The following LPA variants were observed in gnomAD, a reference collection of about 807,000 sequenced individuals.
LPA encodes the protein apolipoprotein(a).
LPA carries 199 observed loss-of-function variants against 197.9 expected under a neutral mutation model. The ratio of observed to expected loss-of-function variants is 1.01; its 90% confidence interval spans 0.90 to 1.13. LPA has a LOEUF of 1.13. Among genes scored for constraint, LPA ranks in the 50% most tolerant of loss-of-function variants. The pLI is 0.00. For missense variants in LPA, 1,853 were observed against 1,785.8 expected (o/e 1.04, Z -0.68); for synonymous variants, 715 against 639.5 (o/e 1.12, Z -1.78).
At position 160,597,464 on chromosome 6, in the gene LPA, G is replaced by T. The variant is rs181331841; in HGVS notation, c.3288-1929C>A. ...CTCTAGGATTCACACCTGTGTGGGT[G>T]TGGGTGTGTGCACGTGTGCCATTGT... On this transcript the variant is annotated intron_variant, in intron 20 of 38. Transcript: ENST00000316300. Among the ~76,000 whole-genome samples the T allele has an allele frequency of 1.0e-3, 156 of 152,244 alleles. 1 individual carries two copies. The highest frequency in any genetic ancestry group is 3.5e-3 in the African/African-American group (146 of 41,538).
intron 34 of LPA, among the ~76,000 whole-genome samples, chr6:160,541,711 A>G (rs1777984239): frequency 6.6e-6 from 1 of 152,194 alleles, no homozygotes; most frequent in Non-Finnish European, 1.5e-5. Flanking sequence ...GATCAGAATA[A>G]TGGTGTGAGC....
intron 32 of LPA, among the ~76,000 whole-genome samples, chr6:160,546,519 A>G (rs1002975612): frequency 1.3e-5 from 2 of 152,206 alleles, no homozygotes; most frequent in African/African-American, 2.4e-5. Flanking sequence ...CCACTCTAGC[A>G]AAGTAATCAA....
intron 26 of LPA, among the ~76,000 whole-genome samples, chr6:160,582,274 T>TAATGAAGA (rs1189995810): frequency 2.0e-5 from 3 of 151,990 alleles, no homozygotes; most frequent in African/African-American, 7.2e-5. Context: ...TTCTTCTTAC[T>TAATGAAGA]ACTCTAAAGG....
chr6:160,587,769 G>T (rs1295895186), intron 24 of LPA, among the ~76,000 whole-genome samples: 1 of 118,192 alleles, frequency 8.5e-6, no homozygotes, highest in South Asian at 2.7e-4. Context: ...GTGTGTGTGT[G>T]TGTGTGTGTG....
intron 1 of LPA, among the ~76,000 whole-genome samples, chr6:160,654,850 T>C: frequency 6.6e-6 from 1 of 152,206 alleles, no homozygotes; most frequent in Non-Finnish European, 1.5e-5. Context: ...CTGTCCACTT[T>C]CGGGTGGTGC....
intron 1 of LPA, among the ~76,000 whole-genome samples, chr6:160,659,576 G>T (rs562058192): frequency 6.6e-6 from 1 of 152,326 alleles, no homozygotes; most frequent in African/African-American, 2.4e-5. Flanking sequence ...TGTCAGGGAA[G>T]TGGCCAGGTC....
Position 160,585,146 on chromosome 6 carries a change from G to A in LPA, c.4189C>T (p.Arg1397Ter), listed in dbSNP as rs200154828. ...DCYRGDGQSY[R>*]GTLSTTITGR... ...GTGATAGTGGTGGAGAGTGTGCCTC[G>A]ATAACTCTGTCCATCACCTCGGTAG... The change falls in exon 26 of 39, where the codon CGA becomes TGA. Residue 1397 changes from arginine to a stop codon, truncating the protein, a stop_gained. Transcript: ENST00000316300. LOFTEE classifies it high-confidence loss of function. 45 of 1,613,568 alleles carry A rather than the reference G, an allele frequency of 2.8e-5. 1 individual carries two copies. The highest frequency in any genetic ancestry group is 1.1e-4 in the South Asian group (10 of 91,070).
rs764378147 is a variant in LPA at position 160,531,798 on chromosome 6, A to G, written c.6054T>C (p.Asn2018=). Residue 2018 remains asparagine, a synonymous_variant, in exon 39 of 39, where the codon AAT becomes AAC. Coordinates refer to ENST00000316300, the MANE Select transcript of LPA (RefSeq NM_005577.4). ...TSWGLGCARP[N]KPGVYARVSR... The stretch of plus-strand genomic sequence containing the variant: ...AAACACGAGCATAGACACCAGGCTT[A>G]TTGGGGCGTGCACAGCCAAGACCCC... The G allele has an allele frequency of 6.2e-7, 1 of 1,614,142 alleles. No individual in the cohort carries two copies. The highest frequency in any genetic ancestry group is 1.1e-5 in the South Asian group (1 of 91,088).
chr6:160,634,906 G>T (rs1473693477), intron 7 of LPA, among the ~76,000 whole-genome samples: 1 of 150,114 alleles, frequency 6.7e-6, no homozygotes, highest in South Asian at 2.1e-4. Context: ...ACCCTGGAAG[G>T]TTTGTGCCCA....
chr6:160,555,317 GTGTGTA>G (rs1243507039), intron 30 of LPA, among the ~76,000 whole-genome samples: 1 of 138,312 alleles, frequency 7.2e-6, no homozygotes, highest in Non-Finnish European at 1.5e-5. Context: ...GTGTGTGTGT[GTGTGTA>G]TGTGTGTGTG....
At chr6:160,606,301 C>G (rs1192116240) in intron 17 of LPA, among the ~76,000 whole-genome samples, 176 bp downstream of exon 17, 1 of 152,176 alleles carries the variant, frequency 6.6e-6, no homozygotes, top group Non-Finnish European at 1.5e-5. Context: ...AACGTTGTAC[C>G]AGAAATCAAT....
chr6:160,553,129 T>C (rs983257586), intron 30 of LPA, among the ~76,000 whole-genome samples: 1 of 152,312 alleles, frequency 6.6e-6, no homozygotes, highest in East Asian at 1.9e-4. Context: ...GTGCTACTGT[T>C]TTTATGAATT....
rs766239484 is a variant in LPA at position 160,611,620 on chromosome 6, C to A, written c.2545G>T (p.Ala849Ser). The A allele has an allele frequency of 2.8e-5, 44 of 1,597,694 alleles. 1 individual carries two copies. The highest frequency in any genetic ancestry group is 5.0e-5 in the Admixed American group (3 of 59,718). ...STTVTGRTCQAWSSMTPHSHS... is the reference protein window; with the variant it reads ...STTVTGRTCQSWSSMTPHSHS... ...GAGTGTGGTGTCATAGATGACCAAGCTTGGCAGGTTCTTCCAGTGACAGTG... is the reference window on the plus strand; with the variant it reads ...GAGTGTGGTGTCATAGATGACCAAGATTGGCAGGTTCTTCCAGTGACAGTG... The change falls in exon 16 of 39, where the codon GCT (alanine) becomes TCT (serine). Residue 849 changes from alanine to serine, a missense_variant. By Grantham distance (99) the Ala-to-Ser change is moderately conservative. Coordinates refer to ENST00000316300, the MANE Select transcript of LPA (RefSeq NM_005577.4).
chr6:160,653,019 A>G (rs1056971581), intron 1 of LPA, among the ~76,000 whole-genome samples: 1 of 152,168 alleles, frequency 6.6e-6, no homozygotes, highest in Non-Finnish European at 1.5e-5. Context: ...ACTTAATGGT[A>G]GATTTAAATT....
intron 26 of LPA, among the ~76,000 whole-genome samples, chr6:160,584,630 C>T (rs1474904496): frequency 6.6e-6 from 1 of 152,078 alleles, no homozygotes; most frequent in African/African-American, 2.4e-5. Context: ...CTGCACCCAG[C>T]CTGAATTTGT....
intron 16 of LPA, among the ~76,000 whole-genome samples, chr6:160,611,350 C>A (rs1319373682): frequency 3.9e-5 from 6 of 152,074 alleles, no homozygotes; most frequent in African/African-American, 9.7e-5. Flanking sequence ...CCTCATTTCC[C>A]TTCTGCTCCA....
intron 26 of LPA, among the ~76,000 whole-genome samples, chr6:160,579,726 CATGGG>C (rs752473227): frequency 2.4e-4 from 37 of 152,142 alleles, no homozygotes; most frequent in Non-Finnish European, 4.6e-4. Context: ...TATTATGGAG[CATGGG>C]AATCCAACAC....
intron 26 of LPA, 32 bp downstream of exon 26, chr6:160,585,014 T>C (rs1413737661): frequency 1.2e-6 from 2 of 1,611,872 alleles, no homozygotes; most frequent in Admixed American, 3.3e-5. Context: ...AGTTGACTAT[T>C]GTTCCTTTTA....
At position 160,633,780 on chromosome 6, in the gene LPA, C is replaced by A. The variant is rs201102026; in HGVS notation, c.1208G>T (p.Ser403Ile). ...ATTTGGGTAGTATTCTGGGGTCCGA[C>A]TATGCGAGTGTGGTGTCATAGATGA... Reference protein sequence around the residue: ...AWSSMTPHSHSRTPEYYPNAG... With the variant: ...AWSSMTPHSHIRTPEYYPNAG... The change falls in exon 8 of 39, where the codon AGT (serine) becomes ATT (isoleucine). Residue 403 changes from serine to isoleucine, a missense_variant. Around this residue, in one of 3 missense-constraint regions of LPA, gnomAD observed 28 missense variants for 198.4 expected, o/e 0.14. Transcript: ENST00000316300. 1 of 1,324,646 alleles carries A rather than the reference C, an allele frequency of 7.5e-7. No homozygotes were observed. Among genetic ancestry groups the A allele is most frequent in the African/African-American group, 2.1e-5 (1 of 48,744 alleles). 82.1% of individuals were successfully genotyped at this position (1,324,646 alleles called of 1,614,324 possible).
Sources: gnomAD v4.1 joint callset for allele counts (sites outside exome capture counted in the v4.1 genomes callset) on GRCh38, gnomAD v4.1.1 for gene constraint, gnomAD v4.1.1 regional missense constraint, MANE v1.5 for transcripts, NCBI Gene and HGNC (gene_info 2026-07-23, HGNC 2026-07-21) for gene names.